The following AKIRIN1 variants were observed in gnomAD, a reference collection of about 807,000 sequenced individuals.
The protein encoded by AKIRIN1 is akirin-1.
Under a neutral mutation model 25.9 loss-of-function variants are expected in AKIRIN1, and 4 were observed. The observed-to-expected ratio is 0.15, with a 90% CI of 0.08 to 0.35. The LOEUF (loss-of-function observed/expected upper bound fraction) is 0.35, where lower values mean the gene tolerates loss of function less well. AKIRIN1 is among the 10% of genes least tolerant of loss of function. The probability of loss-of-function intolerance (pLI) is 1.00; values close to 1 mark genes in which losing one functional copy is unlikely to be tolerated. For missense variants in AKIRIN1, 243 were observed against 266.1 expected (o/e 0.91, Z 0.61); for synonymous variants, 125 against 105.1 (o/e 1.19, Z -1.16).
chr1:38,991,743 G>A (rs958657719), intron 1 of AKIRIN1, 143 bp downstream of exon 1: 1 of 990,534 alleles, frequency 1.0e-6, no homozygotes, highest in Non-Finnish European at 1.3e-6. Flanking sequence ...GGATGCCGCT[G>A]GGCCTGGTTG....
At chr1:38,993,258 T>C (rs1643922631) in intron 1 of AKIRIN1, among the ~76,000 whole-genome samples, 1 of 152,152 alleles carries the variant, frequency 6.6e-6, no homozygotes, top group African/African-American at 2.4e-5. Flanking sequence ...GCTTCGTAAG[T>C]GATTTTTGGG....
chr1:38,993,253 G>C (rs11205516), intron 1 of AKIRIN1, among the ~76,000 whole-genome samples: 1 of 152,120 alleles, frequency 6.6e-6, no homozygotes, highest in East Asian at 1.9e-4. Context: ...TAGCTGCTTC[G>C]TAAGTGATTT....
In AKIRIN1 at chr1:38,998,359, G is replaced by T. The variant is rs777466770; in HGVS notation, c.361+48G>T. 7.1e-6 allele frequency: 11 copies of T among 1,540,530 alleles called. No homozygotes were observed. In the East Asian group the frequency reaches 2.5e-4, roughly 35 times the overall value. Reference sequence around the variant, plus strand: ...AATTCGCATTAAGAGTTTGTAAATGGTACTTATAATGATGAATCTAGAATT... The same window carrying T: ...AATTCGCATTAAGAGTTTGTAAATGTTACTTATAATGATGAATCTAGAATT... On this transcript the variant is annotated intron_variant, in intron 2 of 4. Transcript: ENST00000432648.
chr1:39,003,472 T>C, intron 4 of AKIRIN1, 54 bp downstream of exon 4: 5 of 1,541,964 alleles, frequency 3.2e-6, no homozygotes, highest in Non-Finnish European at 4.5e-6. Context: ...GCAAAATTTC[T>C]ACACTGAAAC....
intron 4 of AKIRIN1, 127 bp from the exon 5 acceptor site, chr1:39,003,918 G>A: frequency 1.3e-6 from 1 of 748,740 alleles, no homozygotes; most frequent in Non-Finnish European, 2.2e-6. Flanking sequence ...TTGATCTTTA[G>A]TATCTTTTAA....
intron 1 of AKIRIN1, 63 bp downstream of exon 1, chr1:38,991,663 TGGGGGA>T: frequency 4.3e-5 from 3 of 70,104 alleles, no homozygotes; most frequent in Non-Finnish European, 7.0e-5. Context: ...GGGGGGGTGG[TGGGGGA>T]GGGTTGGGAA....
chr1:38,993,794 G>T (rs756783725), intron 1 of AKIRIN1, among the ~76,000 whole-genome samples: 14 of 152,038 alleles, frequency 9.2e-5, no homozygotes, highest in Non-Finnish European at 1.8e-4. Context: ...TCTAAGGCCG[G>T]GCGCAGTGGC....
Position 39,005,618 on chromosome 1 carries a change from A to T in AKIRIN1, c.*1563A>T, listed in dbSNP as rs1644028623. ...AATATTGTTTTACTTTGAATATAGA[A>T]TAGTTTTTTTAATTAGGGCTTATTT... On this transcript the variant is annotated 3_prime_UTR_variant, in exon 5 of 5. Transcript: ENST00000432648. The T allele has an allele frequency of 6.6e-6, 1 of 152,228 alleles. No homozygotes were observed. The highest frequency in any genetic ancestry group is 6.5e-5 in the Admixed American group (1 of 15,276). 9.4% of individuals were successfully genotyped at this position (152,228 alleles called of 1,614,324 possible).
intron 1 of AKIRIN1, among the ~76,000 whole-genome samples, chr1:38,994,567 A>G (rs1391056439): frequency 1.3e-5 from 2 of 151,422 alleles, no homozygotes; most frequent in African/African-American, 2.4e-5. Context: ...GTGTAGTGGC[A>G]CGATCTTGGC....
At chr1:38,994,318 G>A (rs529983158) in intron 1 of AKIRIN1, among the ~76,000 whole-genome samples, 2 of 152,234 alleles carry the variant, frequency 1.3e-5, no homozygotes, top group African/African-American at 4.8e-5. Context: ...TACTTTTTGT[G>A]GAAAGGTCCT....
intron 2 of AKIRIN1, among the ~76,000 whole-genome samples, chr1:38,998,977 G>A (rs574080602): frequency 6.6e-6 from 1 of 152,072 alleles, no homozygotes; most frequent in African/African-American, 2.4e-5. Context: ...ATGCAGTTAC[G>A]AGATATTTCC....
chr1:38,999,619 A>G (rs1643973333), intron 2 of AKIRIN1, among the ~76,000 whole-genome samples: 1 of 152,168 alleles, frequency 6.6e-6, no homozygotes, highest in African/African-American at 2.4e-5. Context: ...CAGTAATATA[A>G]TTTTAAAGTA....
chr1:39,000,286 G>C (rs1052368972), intron 2 of AKIRIN1, among the ~76,000 whole-genome samples: 1 of 151,244 alleles, frequency 6.6e-6, no homozygotes, highest in African/African-American at 2.4e-5. Context: ...ACTTATCTCT[G>C]TACTGAATTC....
Position 39,004,387 on chromosome 1 carries a change from G to A in AKIRIN1, c.*332G>A, listed in dbSNP as rs777067715. 4.6e-5 allele frequency: 22 copies of A among 480,588 alleles called. No homozygotes were observed. Among genetic ancestry groups the A allele is most frequent in the Non-Finnish European group, 6.9e-5 (18 of 261,982 alleles). The allele number at this position is 480,588 out of a possible 1,614,324, so 29.8% of individuals were successfully genotyped here. On this transcript the variant is annotated 3_prime_UTR_variant, in exon 5 of 5. Coordinates refer to ENST00000432648, the MANE Select transcript of AKIRIN1 (RefSeq NM_024595.3). ...CCAAGCACAGTTCTGTAAGAAGTGC[G>A]TGTGAGAGTGTGTGTATATGTGTGT...
chr1:38,995,095 T>C (rs548762559), intron 1 of AKIRIN1, among the ~76,000 whole-genome samples: 1 of 152,130 alleles, frequency 6.6e-6, no homozygotes, highest in Admixed American at 6.6e-5. Context: ...CCTCCCAAAG[T>C]GCTGGGATTG....
At chr1:38,995,396 A>G (rs1025249240) in intron 1 of AKIRIN1, among the ~76,000 whole-genome samples, 3 of 152,202 alleles carry the variant, frequency 2.0e-5, no homozygotes, top group African/African-American at 7.2e-5. Context: ...CTGGCAGCAC[A>G]ACCTCAAGTA....
At chr1:38,998,749 C>CA (rs1356710004) in intron 2 of AKIRIN1, among the ~76,000 whole-genome samples, 4 of 151,614 alleles carry the variant, frequency 2.6e-5, no homozygotes, top group Admixed American at 1.3e-4. Context: ...ACTAAAAATA[C>CA]AAAAAAATTA....
At chr1:38,991,650 TTGGGGGGGGTGG>T in intron 1 of AKIRIN1, 50 bp downstream of exon 1, 2 of 428,976 alleles carry the variant, frequency 4.7e-6, no homozygotes, top group Non-Finnish European at 6.6e-6. Context: ...CAGGCATTTT[TTGGGGGGGGTGG>T]TGGGGGAGGG....
chr1:38,992,674 G>A (rs1643915295), intron 1 of AKIRIN1, among the ~76,000 whole-genome samples: 2 of 152,180 alleles, frequency 1.3e-5, no homozygotes, highest in East Asian at 1.9e-4. Context: ...CTTAACTCGA[G>A]TTCACCTTTT....
Sources: gnomAD v4.1 joint callset for allele counts (sites outside exome capture counted in the v4.1 genomes callset) on GRCh38, gnomAD v4.1.1 for gene constraint, MANE v1.5 for transcripts, NCBI Gene and HGNC (gene_info 2026-07-23, HGNC 2026-07-21) for gene names.